MSRA: variants seen among roughly 807,000 people sequenced by gnomAD.
MSRA encodes the protein mitochondrial peptide methionine sulfoxide reductase.
MSRA carries 54 observed loss-of-function variants against 31.3 expected under a neutral mutation model. That is an observed-to-expected ratio of 1.73 (90% CI 1.39 to 2.17). The LOEUF (loss-of-function observed/expected upper bound fraction) is 2.17. Among genes scored for constraint, MSRA ranks in the 30% most tolerant of loss-of-function variants. The pLI is 0.00. For synonymous variants in MSRA, 169 were observed against 116.5 expected (o/e 1.45, Z -2.90); for missense variants, 507 against 300.9 (o/e 1.69, Z -5.07).
intron 1 of MSRA, chr8:10,059,166 C>T (rs1367508580): frequency 6.6e-6 from 1 of 151,676 alleles, no homozygotes. Context: ...AACTGGGTAG[C>T]CATATGGAAA....
chr8:10,232,008 C>T (rs965810856), intron 2 of MSRA, among the ~76,000 whole-genome samples: 1 of 152,182 alleles, frequency 6.6e-6, no homozygotes, highest in Non-Finnish European at 1.5e-5. Flanking sequence ...TTACTTTGAA[C>T]AGTCAGCAGC....
chr8:10,418,815 TAA>T (rs71203323), intron 5 of MSRA, among the ~76,000 whole-genome samples: 14 of 66,038 alleles, frequency 2.1e-4, no homozygotes, highest in South Asian at 9.3e-4. Context: ...TTACTACGAC[TAA>T]AAAAAAAAAA....
chr8:10,090,015 A>G (rs1798778315), intron 1 of MSRA, among the ~76,000 whole-genome samples: 1 of 152,136 alleles, frequency 6.6e-6, no homozygotes, highest in East Asian at 1.9e-4. Context: ...CAAGCAAACC[A>G]CATCCAAACC....
chr8:10,081,916 C>T lies in MSRA; in HGVS notation c.142+27258C>T, dbSNP rs141288682. On this transcript the variant is annotated intron_variant, in intron 1 of 5. Coordinates refer to ENST00000317173, the MANE Select transcript of MSRA (RefSeq NM_012331.5). ...ACTCTTGTCTCATTTTCTATCAAAA[C>T]CTCATCCATGGCTTTGGTGGCTCAT... is the stretch of plus-strand genomic sequence containing the variant. Among the ~76,000 whole-genome samples the T allele has an allele frequency of 1.3e-3, 191 of 152,282 alleles. 2 individuals are homozygous for T. The highest frequency in any genetic ancestry group is 4.5e-3 in the African/African-American group (185 of 41,552).
rs144036636 is a variant in MSRA, at chr8:10,183,614, G to A, written c.143-24219G>A. ...AGCAACATTAGTAAGCAGAGAGTAG[G>A]AGACAGGCTGATCTCTGGCTAGGTT... is the stretch of plus-strand genomic sequence containing the variant. On this transcript the variant is annotated intron_variant, in intron 1 of 5. Coordinates refer to ENST00000317173, the MANE Select transcript of MSRA (RefSeq NM_012331.5). Among the ~76,000 whole-genome samples the A allele has an allele frequency of 9.9e-4, 151 of 152,280 alleles. 1 individual carries two copies. The highest frequency in any genetic ancestry group is 3.4e-3 in the Middle Eastern group (1 of 294).
At chr8:10,178,130 T>C (rs1806214753) in intron 1 of MSRA, among the ~76,000 whole-genome samples, 1 of 152,220 alleles carries the variant, frequency 6.6e-6, no homozygotes, top group Non-Finnish European at 1.5e-5. Context: ...GAAATCTTAT[T>C]TGTAAAGAGG....
At chr8:10,213,588 C>T (rs1169135834) in intron 2 of MSRA, among the ~76,000 whole-genome samples, 1 of 151,916 alleles carries the variant, frequency 6.6e-6, no homozygotes, top group African/African-American at 2.4e-5. Flanking sequence ...AGGTGCGTGC[C>T]AACATGCCTG....
intron 5 of MSRA, among the ~76,000 whole-genome samples, chr8:10,370,331 T>G (rs1445517894): frequency 2.0e-5 from 3 of 152,228 alleles, no homozygotes; most frequent in Non-Finnish European, 4.4e-5. Context: ...GAGTACTGCT[T>G]CCTGTGAGAA....
chr8:10,323,203 C>G (rs1478480478), intron 5 of MSRA, among the ~76,000 whole-genome samples: 1 of 152,074 alleles, frequency 6.6e-6, no homozygotes, highest in African/African-American at 2.4e-5. Flanking sequence ...ACACTGGGCA[C>G]CACAGGAACC....
chr8:10,375,348 A>G (rs893611638), intron 5 of MSRA, among the ~76,000 whole-genome samples: 9 of 152,234 alleles, frequency 5.9e-5, no homozygotes, highest in Admixed American at 1.3e-4. Context: ...GACAGCTGGT[A>G]TGGATCTTTG....
rs1454539932 is a variant in MSRA at position 10,087,071 on chromosome 8, A to G, written c.142+32413A>G. Among the ~76,000 whole-genome samples the G allele has an allele frequency of 3.9e-5, 6 of 152,208 alleles. 1 individual carries two copies. In the South Asian group the frequency reaches 8.3e-4, roughly 21 times the overall value. On this transcript the variant is annotated intron_variant, in intron 1 of 5. Coordinates refer to ENST00000317173, the MANE Select transcript of MSRA (RefSeq NM_012331.5). ...AGACATGATTTTGGGAGATGTTTCA[A>G]TAATAAGAATTGTCACGTGTAAAGC...
intron 1 of MSRA, among the ~76,000 whole-genome samples, chr8:10,170,734 G>T (rs2129046187): frequency 6.6e-6 from 1 of 152,236 alleles, no homozygotes; most frequent in East Asian, 1.9e-4. Flanking sequence ...CTCAGATTTT[G>T]CTACCTATGG....
intron 1 of MSRA, among the ~76,000 whole-genome samples, chr8:10,060,999 A>G (rs905999837): frequency 1.3e-5 from 2 of 152,228 alleles, no homozygotes; most frequent in African/African-American, 4.8e-5. Context: ...ATTAATTTCT[A>G]AATTGTAGGA....
chr8:10,223,628 T>C (rs60047017), intron 2 of MSRA, among the ~76,000 whole-genome samples: 21,646 of 152,088 alleles, frequency 0.14, 1,702 homozygotes, highest in East Asian at 0.29. Flanking sequence ...TGGCAGGTGG[T>C]GTAATGTATG....
chr8:10,223,762 A>G (rs1810734832), intron 2 of MSRA, among the ~76,000 whole-genome samples: 2 of 152,170 alleles, frequency 1.3e-5, no homozygotes, highest in East Asian at 3.9e-4. Flanking sequence ...CCAAATCTAG[A>G]TGGTTAAAGG....
intron 3 of MSRA, among the ~76,000 whole-genome samples, chr8:10,286,669 A>G (rs1322698187): frequency 2.6e-5 from 4 of 152,216 alleles, no homozygotes; most frequent in South Asian, 2.1e-4. Context: ...AACACTTTCT[A>G]TCCTGTGTTT....
chr8:10,307,521 T>TA (rs1203681302), intron 4 of MSRA, among the ~76,000 whole-genome samples: 2 of 152,174 alleles, frequency 1.3e-5, no homozygotes, highest in African/African-American at 4.8e-5. Context: ...TTAGTACATT[T>TA]AAAAAAGCAA....
Position 10,284,489 on chromosome 8 carries a change from C to T in MSRA, c.332-17045C>T, listed in dbSNP as rs1026882648. 1.5e-4 allele frequency among the ~76,000 whole-genome samples: 23 copies of T among 152,228 alleles called. No individual in the cohort carries two copies. In the South Asian group the frequency reaches 2.1e-3, roughly 14 times the overall value. On this transcript the variant is annotated intron_variant, in intron 3 of 5. Coordinates refer to ENST00000317173, the MANE Select transcript of MSRA (RefSeq NM_012331.5). ...GATTACAGGCATGAGCCAACATGCC[C>T]GGCACGGAATGAATCATTTTTTGAA...
chr8:10,404,727 G>C (rs1049491374), intron 5 of MSRA, among the ~76,000 whole-genome samples: 2 of 152,222 alleles, frequency 1.3e-5, no homozygotes, highest in African/African-American at 2.4e-5. Context: ...ACCTGCCTGG[G>C]GTTTCAGGGG....
Sources: gnomAD v4.1 joint callset for allele counts (sites outside exome capture counted in the v4.1 genomes callset) on GRCh38, gnomAD v4.1.1 for gene constraint, MANE v1.5 for transcripts, NCBI Gene and HGNC (gene_info 2026-07-23, HGNC 2026-07-21) for gene names.